The following KDM4C variants were observed in gnomAD, a reference collection of about 807,000 sequenced individuals.
The protein encoded by KDM4C is lysine-specific demethylase 4C.
A neutral mutation model predicts 129.3 loss-of-function variants in KDM4C; 81 were observed. That is an observed-to-expected ratio of 0.63 (90% CI 0.52 to 0.75). The LOEUF (loss-of-function observed/expected upper bound fraction) is 0.75. Ranked by LOEUF, KDM4C falls within the 30% of genes least tolerant of loss-of-function variation. The pLI, the probability that KDM4C is intolerant of heterozygous loss-of-function variation, is 0.00. For missense variants in KDM4C, 1,457 were observed against 1,304.0 expected (o/e 1.12, Z -1.81); for synonymous variants, 573 against 456.1 (o/e 1.26, Z -3.26).
intron 1 of KDM4C, among the ~76,000 whole-genome samples, chr9:6,787,647 T>C (rs1564004004): frequency 1.3e-5 from 2 of 152,272 alleles, no homozygotes; most frequent in East Asian, 1.9e-4. Flanking sequence ...CATTTCCCTC[T>C]GCCCATCATG....
chr9:6,803,570 CAAA>C (rs112938373), intron 2 of KDM4C, among the ~76,000 whole-genome samples: 2 of 100,474 alleles, frequency 2.0e-5, no homozygotes, highest in Non-Finnish European at 2.1e-5. Context: ...AACTCGGTCT[CAAA>C]AAAAAAAAAA....
chr9:6,853,347 C>T (rs1457274502), intron 5 of KDM4C, among the ~76,000 whole-genome samples: 1 of 151,990 alleles, frequency 6.6e-6, no homozygotes, highest in Non-Finnish European at 1.5e-5. Context: ...AGAAAATTAG[C>T]CGGTCATAGT....
At chr9:6,949,817 C>G (rs1374816456) in intron 8 of KDM4C, among the ~76,000 whole-genome samples, 2 of 152,136 alleles carry the variant, frequency 1.3e-5, no homozygotes, top group Non-Finnish European at 2.9e-5. Flanking sequence ...GGCTCGGCAT[C>G]AGAGGGAGAC....
chr9:6,895,980 C>G (rs866495115), intron 8 of KDM4C, among the ~76,000 whole-genome samples: 46 of 152,174 alleles, frequency 3.0e-4, no homozygotes, highest in African/African-American at 1.1e-3. Flanking sequence ...ATTTTGGTAT[C>G]TTTAATCAGT....
chr9:6,934,224 G>C (rs1824296897), intron 8 of KDM4C, among the ~76,000 whole-genome samples: 1 of 151,698 alleles, frequency 6.6e-6, no homozygotes, highest in Non-Finnish European at 1.5e-5. Context: ...TCTCACGCCG[G>C]TAATCCTATC....
intron 19 of KDM4C, among the ~76,000 whole-genome samples, chr9:7,137,646 A>G (rs896132656): frequency 2.0e-5 from 3 of 152,228 alleles, no homozygotes; most frequent in Non-Finnish European, 4.4e-5. Context: ...CCTGTAGCGC[A>G]TTTGTAAGCA....
chr9:6,995,947 C>T (rs567545775), intron 12 of KDM4C, among the ~76,000 whole-genome samples: 11 of 152,164 alleles, frequency 7.2e-5, no homozygotes, highest in African/African-American at 2.2e-4. Flanking sequence ...GGATTACAGG[C>T]GTGAGCCACC....
chr9:7,164,350 T>TAAAAAAA (rs113564814), intron 19 of KDM4C, among the ~76,000 whole-genome samples: 9 of 148,334 alleles, frequency 6.1e-5, no homozygotes, highest in Admixed American at 1.3e-4. Context: ...TGCCACGCCT[T>TAAAAAAA]AAAAAAACAA....
intron 17 of KDM4C, among the ~76,000 whole-genome samples, chr9:7,096,916 C>G (rs1836505330): frequency 6.6e-6 from 1 of 152,178 alleles, no homozygotes; most frequent in Non-Finnish European, 1.5e-5. Context: ...CTCACCTGGG[C>G]AAGTGAAGTT....
intron 17 of KDM4C, among the ~76,000 whole-genome samples, chr9:7,065,351 AATAAATTGACTACTTT>A (rs1832277731): frequency 6.6e-6 from 1 of 152,280 alleles, no homozygotes; most frequent in African/African-American, 2.4e-5. Flanking sequence ...AAAGTAGTCA[AATAAATTGACTACTTT>A]TCATTACAGG....
chr9:6,809,779 G>A (rs939928303), intron 3 of KDM4C, among the ~76,000 whole-genome samples: 6 of 152,164 alleles, frequency 3.9e-5, no homozygotes, highest in African/African-American at 1.4e-4. Flanking sequence ...TAGGTGGAAT[G>A]CTTGAACCCA....
chr9:7,076,486 G>C (rs1274615007), intron 17 of KDM4C: 9 of 1,550,054 alleles, frequency 5.8e-6, no homozygotes. Context: ...CAATAACAAT[G>C]AAGGCTCACT....
intron 2 of KDM4C, 51 bp downstream of exon 2, chr9:6,793,183 T>G: frequency 6.3e-7 from 1 of 1,577,892 alleles, no homozygotes; most frequent in Non-Finnish European, 8.6e-7. Flanking sequence ...GGCCTTTAAT[T>G]TATGTTCTTA....
intron 12 of KDM4C, among the ~76,000 whole-genome samples, chr9:6,994,239 T>C (rs749835684): frequency 3.9e-5 from 6 of 152,104 alleles, no homozygotes; most frequent in Non-Finnish European, 8.8e-5. Flanking sequence ...GCCTGTTTAC[T>C]AACAGGCCAC....
intron 8 of KDM4C, chr9:6,942,395 CTCTT>C (rs924068315): frequency 6.7e-6 from 1 of 149,904 alleles, no homozygotes; most frequent in African/African-American, 2.5e-5. Flanking sequence ...CAATGGCTGC[CTCTT>C]TGTCTTTTTT....
At chr9:6,925,044 A>G (rs1822226150) in intron 8 of KDM4C, 2 of 985,332 alleles carry the variant, frequency 2.0e-6, no homozygotes, top group Non-Finnish European at 2.4e-6. Context: ...CCAGGTGTAT[A>G]AGAATGAACA....
rs1816694280 is a variant in KDM4C, at chr9:6,981,094, G to A, written c.1091G>A (p.Arg364Lys). Residue 364 changes from arginine (R) to lysine (K), a missense_variant, in exon 9 of 22, where the codon AGG (arginine) becomes AAG (lysine). Arg to Lys is a conservative substitution (Grantham distance 26). Transcript: ENST00000381309. ...GTAAAAGCATGGCTGCAGAGGAGGA[G>A]GAAAGTAAGAAAAGCATCCCGAAGG... ...PEVKAWLQRRRKVRKASRSFQ... is the reference protein window; with the variant it reads ...PEVKAWLQRRKKVRKASRSFQ... 7 of 1,611,880 alleles carry A rather than the reference G, an allele frequency of 4.3e-6. No homozygotes were observed. The highest frequency in any genetic ancestry group is 5.9e-6 in the Non-Finnish European group (7 of 1,179,256).
At chr9:6,764,426 CTGTT>C (rs1264655345) in intron 1 of KDM4C, among the ~76,000 whole-genome samples, 1 of 152,058 alleles carries the variant, frequency 6.6e-6, no homozygotes, top group Admixed American at 6.6e-5. Context: ...ATTATTTGTA[CTGTT>C]TGTTTTATTT....
chr9:7,018,442 G>T (rs577887102), intron 15 of KDM4C, among the ~76,000 whole-genome samples: 87 of 152,260 alleles, frequency 5.7e-4, no homozygotes, highest in Admixed American at 4.6e-4. Flanking sequence ...TTCTAATCTT[G>T]ACCATACAAA....
Sources: gnomAD v4.1 joint callset for allele counts (sites outside exome capture counted in the v4.1 genomes callset) on GRCh38, gnomAD v4.1.1 for gene constraint, MANE v1.5 for transcripts, NCBI Gene and HGNC (gene_info 2026-07-23, HGNC 2026-07-21) for gene names.